Variants in TNFAIP8 observed in about 807,000 individuals in gnomAD.
TNFAIP8 encodes tumor necrosis factor alpha-induced protein 8.
A neutral mutation model predicts 13.3 loss-of-function variants in TNFAIP8; 7 were observed. The ratio of observed to expected loss-of-function variants is 0.52; its 90% CI spans 0.30 to 0.99. The LOEUF (loss-of-function observed/expected upper bound fraction) is 0.99, where lower values mean the gene tolerates loss of function less well. Ranked by LOEUF, TNFAIP8 falls within the 50% of genes least tolerant of loss-of-function variation. The pLI is 0.07. For synonymous variants in TNFAIP8, 94 were observed against 87.6 expected (o/e 1.07, Z -0.41); for missense variants, 258 against 236.9 (o/e 1.09, Z -0.58).
intron 1 of TNFAIP8, among the ~76,000 whole-genome samples, chr5:119,343,172 A>G (rs1750798542): frequency 6.6e-6 from 1 of 150,708 alleles, no homozygotes; most frequent in Non-Finnish European, 1.5e-5. Context: ...CTCTGTAAAG[A>G]TAAGCACAAT....
chr5:119,287,746 C>A (rs1748849197), intron 1 of TNFAIP8, among the ~76,000 whole-genome samples: 1 of 152,124 alleles, frequency 6.6e-6, no homozygotes, highest in Admixed American at 6.5e-5. Flanking sequence ...TAGGATTTGC[C>A]TAAATATCAT....
At chr5:119,271,657 G>A (rs1207001620) in intron 1 of TNFAIP8, among the ~76,000 whole-genome samples, 1 of 152,198 alleles carries the variant, frequency 6.6e-6, no homozygotes, top group African/African-American at 2.4e-5. Context: ...ATTGACTTTG[G>A]CAATGGCGAC....
intron 1 of TNFAIP8, among the ~76,000 whole-genome samples, chr5:119,302,285 C>G (rs937334119): frequency 3.9e-5 from 6 of 152,180 alleles, no homozygotes; most frequent in Admixed American, 6.5e-5. Flanking sequence ...GGGTGACAAC[C>G]TCAAGAAACT....
At chr5:119,294,031 C>T (rs1012134366) in intron 1 of TNFAIP8, among the ~76,000 whole-genome samples, 1 of 151,724 alleles carries the variant, frequency 6.6e-6, no homozygotes, top group Non-Finnish European at 1.5e-5. Context: ...TTCCCAATAC[C>T]TTCTTTTTTT....
intron 1 of TNFAIP8, among the ~76,000 whole-genome samples, chr5:119,349,664 A>G (rs1447262124): frequency 6.6e-6 from 1 of 152,258 alleles, no homozygotes; most frequent in Non-Finnish European, 1.5e-5. Flanking sequence ...TGATTTAAAA[A>G]AAAGATTCAT....
chr5:119,306,005 C>T (rs1749540645), intron 1 of TNFAIP8, among the ~76,000 whole-genome samples: 2 of 152,150 alleles, frequency 1.3e-5, no homozygotes, highest in African/African-American at 2.4e-5. Flanking sequence ...CTGCCTGCGC[C>T]GCCCTGCCCT....
intron 1 of TNFAIP8, among the ~76,000 whole-genome samples, chr5:119,323,023 CT>C (rs111344450): frequency 7.6e-4 from 116 of 152,322 alleles, no homozygotes; most frequent in African/African-American, 2.7e-3. Flanking sequence ...GGCCTTACCC[CT>C]ATGCCCAATC....
At chr5:119,337,961 A>G (rs1201569645) in intron 1 of TNFAIP8, among the ~76,000 whole-genome samples, 2 of 152,186 alleles carry the variant, frequency 1.3e-5, no homozygotes, top group Non-Finnish European at 2.9e-5. Context: ...AGCACATTCT[A>G]AGACAAAAAT....
intron 1 of TNFAIP8, among the ~76,000 whole-genome samples, chr5:119,385,528 C>G (rs1470887973): frequency 6.6e-6 from 1 of 152,108 alleles, no homozygotes. Flanking sequence ...TTTCTCTAGG[C>G]AGAATACCCC....
At chr5:119,305,519 C>T (rs1199079300) in intron 1 of TNFAIP8, among the ~76,000 whole-genome samples, 1 of 138,684 alleles carries the variant, frequency 7.2e-6, no homozygotes, top group Admixed American at 6.9e-5. Context: ...CACATGAGCC[C>T]AGGAGTTCAA....
chr5:119,350,344 A>G (rs541148025), intron 1 of TNFAIP8, among the ~76,000 whole-genome samples: 47 of 152,362 alleles, frequency 3.1e-4, no homozygotes, highest in African/African-American at 1.1e-3. Flanking sequence ...TTTAAAGCAT[A>G]TGGGATGATA....
intron 1 of TNFAIP8, among the ~76,000 whole-genome samples, chr5:119,322,202 T>C (rs143056161): frequency 6.6e-5 from 10 of 152,338 alleles, no homozygotes; most frequent in African/African-American, 2.4e-4. Context: ...CCACAGCGTT[T>C]ATCTCCACTC....
chr5:119,324,129 G>T (rs530290320), intron 1 of TNFAIP8, among the ~76,000 whole-genome samples: 2 of 151,598 alleles, frequency 1.3e-5, no homozygotes, highest in Admixed American at 1.3e-4. Flanking sequence ...TCAAAAATTA[G>T]CCAGGTGTGT....
intron 1 of TNFAIP8, among the ~76,000 whole-genome samples, chr5:119,296,791 C>G (rs1749191052): frequency 6.6e-6 from 1 of 152,016 alleles, no homozygotes; most frequent in Non-Finnish European, 1.5e-5. Flanking sequence ...TTGATTATTG[C>G]CACAATTTCA....
At chr5:119,304,153 C>T (rs1749482080) in intron 1 of TNFAIP8, among the ~76,000 whole-genome samples, 2 of 151,908 alleles carry the variant, frequency 1.3e-5, no homozygotes, top group African/African-American at 2.4e-5. Context: ...CGGTCTTGCT[C>T]TGTTGCCCAG....
intron 1 of TNFAIP8, among the ~76,000 whole-genome samples, chr5:119,322,937 C>T (rs1750108508): frequency 6.6e-6 from 1 of 152,206 alleles, no homozygotes; most frequent in Non-Finnish European, 1.5e-5. Flanking sequence ...GAAAGCTGAA[C>T]TTGCCTTCTC....
intron 1 of TNFAIP8, among the ~76,000 whole-genome samples, chr5:119,382,627 A>C (rs750608719): frequency 6.6e-5 from 10 of 152,240 alleles, no homozygotes; most frequent in Admixed American, 1.3e-4. Flanking sequence ...TGTTCTAAGC[A>C]CTTTATATGG....
chr5:119,301,604 A>T (rs759569967), intron 1 of TNFAIP8, among the ~76,000 whole-genome samples: 2 of 152,260 alleles, frequency 1.3e-5, no homozygotes, highest in African/African-American at 2.4e-5. Flanking sequence ...GTCTGAGTCT[A>T]GCACGAGGTA....
chr5:119,286,330 A>G (rs1432110068), intron 1 of TNFAIP8, among the ~76,000 whole-genome samples: 2 of 152,184 alleles, frequency 1.3e-5, no homozygotes, highest in Non-Finnish European at 2.9e-5. Context: ...TGTCTATTAA[A>G]AAAAAGTCCC....
Sources: allele counts gnomAD v4.1 joint callset (sites outside exome capture counted in the v4.1 genomes callset), GRCh38; gene constraint gnomAD v4.1.1; transcripts MANE v1.5; gene names NCBI Gene and HGNC (gene_info 2026-07-23, HGNC 2026-07-21).